The following COL4A5 variants were observed in gnomAD, a reference collection of about 807,000 sequenced individuals.
The protein encoded by COL4A5 is collagen type IV alpha 5 chain.
In COL4A5, 26 loss-of-function variants were observed where a neutral mutation model predicts 130.2. The ratio of observed to expected loss-of-function variants is 0.20; its 90% CI spans 0.15 to 0.28. The LOEUF (loss-of-function observed/expected upper bound fraction) is 0.28, where lower values mean the gene tolerates loss of function less well. Among genes scored for constraint, COL4A5 ranks in the 10% least tolerant of loss-of-function variants. The pLI, the probability that COL4A5 is intolerant of heterozygous loss-of-function variation, is 1.00. For synonymous variants in COL4A5, 496 were observed against 439.6 expected, an observed-to-expected ratio of 1.13 and a Z score of -1.60; for missense variants, 1,131 against 1,344.3, an observed-to-expected ratio of 0.84 and a Z score of 2.48.
intron 4 of COL4A5, 31 bp downstream of exon 4, chrX:108,563,957 T>C (rs1178218373): frequency 8.9e-7 from 1 of 1,117,539 alleles, no homozygotes. Context: ...ATCAAATACT[T>C]TGTTGGTGGA....
At chrX:108,660,515 C>A (rs1380238875) in intron 37 of COL4A5, among the ~76,000 whole-genome samples, 2 of 111,615 alleles carry the variant, frequency 1.8e-5, no homozygotes, top group Non-Finnish European at 3.8e-5. Context: ...TATAGAAATC[C>A]CTTTTTGATA....
chrX:108,458,802 A>G (rs1361138618), intron 1 of COL4A5, among the ~76,000 whole-genome samples: 6 of 111,183 alleles, frequency 5.4e-5, no homozygotes, highest in South Asian at 3.8e-4. Context: ...AACACGGTGA[A>G]ACCCCACCTC....
chrX:108,465,520 C>T (rs187537818), intron 1 of COL4A5, among the ~76,000 whole-genome samples: 2 of 111,827 alleles, frequency 1.8e-5, no homozygotes, highest in Non-Finnish European at 3.8e-5. Flanking sequence ...TATACACACA[C>T]CTAGTATTTT....
At chrX:108,525,899 A>G (rs2065306782) in intron 1 of COL4A5, among the ~76,000 whole-genome samples, 1 of 111,553 alleles carries the variant, frequency 9.0e-6, no homozygotes, top group African/African-American at 3.3e-5. Context: ...CTCTTTCAGC[A>G]TCATCTTCTG....
At chrX:108,521,681 G>T (rs1324994048) in intron 1 of COL4A5, among the ~76,000 whole-genome samples, 1 of 111,235 alleles carries the variant, frequency 9.0e-6, no homozygotes, top group Non-Finnish European at 1.9e-5. Flanking sequence ...GCGTTTGCTG[G>T]TGTCTATAAA....
At chrX:108,491,847 C>T (rs986006335) in intron 1 of COL4A5, among the ~76,000 whole-genome samples, 1 of 111,533 alleles carries the variant, frequency 9.0e-6, no homozygotes, top group Admixed American at 9.6e-5. Context: ...TTTATTTTGC[C>T]TAACTCAGAA....
intron 1 of COL4A5, among the ~76,000 whole-genome samples, chrX:108,506,654 T>C (rs2065126825): frequency 9.0e-6 from 1 of 111,294 alleles, no homozygotes; most frequent in South Asian, 3.8e-4. Context: ...GTTCAGGTGG[T>C]AATATTTGCT....
intron 2 of COL4A5, among the ~76,000 whole-genome samples, chrX:108,558,723 C>T (rs1004471606): frequency 9.0e-6 from 1 of 111,285 alleles, no homozygotes; most frequent in Non-Finnish European, 1.9e-5. Context: ...CTGCTCCATA[C>T]TTATTTAATG....
chrX:108,492,899 G>A (rs1389457582), intron 1 of COL4A5, among the ~76,000 whole-genome samples: 1 of 110,876 alleles, frequency 9.0e-6, no homozygotes, highest in Non-Finnish European at 1.9e-5. Context: ...AGATAAAATG[G>A]TATGTATGAA....
At chrX:108,641,114 G>A (rs190581192) in intron 36 of COL4A5, among the ~76,000 whole-genome samples, 1 of 111,921 alleles carries the variant, frequency 8.9e-6, no homozygotes, top group Non-Finnish European at 1.9e-5. Context: ...GAACCCTTTT[G>A]CATTGCCAGT....
intron 10 of COL4A5, among the ~76,000 whole-genome samples, chrX:108,577,101 T>C (rs1018187930): frequency 3.7e-5 from 4 of 109,444 alleles, no homozygotes; most frequent in Non-Finnish European, 7.6e-5. Context: ...CCAGGTGCTG[T>C]GGCTCATGCC....
At chrX:108,682,644 AGAT>A (rs1238542005) in intron 47 of COL4A5, among the ~76,000 whole-genome samples, 1 of 112,297 alleles carries the variant, frequency 8.9e-6, no homozygotes, top group Non-Finnish European at 1.9e-5. Context: ...TAGTGACCAC[AGAT>A]GATGAGCTTT....
At chrX:108,599,447 A>G (rs754067073) in intron 25 of COL4A5, among the ~76,000 whole-genome samples, 1 of 95,760 alleles carries the variant, frequency 1.0e-5, no homozygotes, top group African/African-American at 4.0e-5. Context: ...ATTTCATTGT[A>G]TGTATGTTTA....
At chrX:108,638,484 A>G (rs1256270472) in intron 36 of COL4A5, among the ~76,000 whole-genome samples, 4 of 112,182 alleles carry the variant, frequency 3.6e-5, no homozygotes, top group Non-Finnish European at 7.5e-5. Context: ...AAAAGTCTGA[A>G]TGCTTTTCCT....
chrX:108,601,625 G>A, intron 26 of COL4A5, 140 bp downstream of exon 26: 1 of 495,603 alleles, frequency 2.0e-6, no homozygotes, highest in Non-Finnish European at 3.5e-6. Context: ...CTACTTCTGG[G>A]TTCAAGCAGT....
At chrX:108,540,127 T>C (rs1001779597) in intron 2 of COL4A5, among the ~76,000 whole-genome samples, 2 of 111,799 alleles carry the variant, frequency 1.8e-5, no homozygotes, top group Non-Finnish European at 3.8e-5. Context: ...CATGAGCCTC[T>C]TGGGATCTGG....
chrX:108,656,765 AATC>A (rs1219704271), intron 37 of COL4A5, among the ~76,000 whole-genome samples: 1 of 111,933 alleles, frequency 8.9e-6, no homozygotes, highest in Non-Finnish European at 1.9e-5. Flanking sequence ...TAATAGTATT[AATC>A]ATCTTTTTAT....
intron 2 of COL4A5, among the ~76,000 whole-genome samples, chrX:108,551,122 A>G (rs1409311541): frequency 2.7e-5 from 3 of 111,853 alleles, no homozygotes; most frequent in Non-Finnish European, 5.6e-5. Context: ...AGCAATTTCA[A>G]CAAAAACAAA....
chrX:108,534,720 G>A (rs184869479), intron 1 of COL4A5, among the ~76,000 whole-genome samples: 1 of 111,144 alleles, frequency 9.0e-6, no homozygotes, highest in African/African-American at 3.3e-5. Context: ...TCTTGAAGGC[G>A]GTCTGTCTTG....
Sources: allele counts gnomAD v4.1 joint callset (sites outside exome capture counted in the v4.1 genomes callset), GRCh38; gene constraint gnomAD v4.1.1; transcripts MANE v1.5; gene names NCBI Gene and HGNC (gene_info 2026-07-23, HGNC 2026-07-21).